The following CTNNBIP1 variants were observed in gnomAD, a reference collection of about 807,000 sequenced individuals.
CTNNBIP1 encodes catenin beta interacting protein 1, also known as beta-catenin-interacting protein 1.
CTNNBIP1 carries 7 observed loss-of-function variants against 11.8 expected under a neutral mutation model. The ratio of observed to expected loss-of-function variants is 0.60; its 90% confidence interval spans 0.34 to 1.12. CTNNBIP1 has a LOEUF of 1.12. Ranked by LOEUF, CTNNBIP1 falls within the 50% of genes most tolerant of loss-of-function variation. The pLI is 0.03. For synonymous variants in CTNNBIP1, 58 were observed against 43.9 expected, an observed-to-expected ratio of 1.32 and a Z score of -1.26; for missense variants, 101 against 113.4, an observed-to-expected ratio of 0.89 and a Z score of 0.50.
At chr1:9,884,482 C>G (rs1251857063) in intron 1 of CTNNBIP1, among the ~76,000 whole-genome samples, 1 of 152,024 alleles carries the variant, frequency 6.6e-6, no homozygotes, top group Non-Finnish European at 1.5e-5. Flanking sequence ...CCAGAGCCAC[C>G]CGGACCCACA....
At chr1:9,904,498 C>A (rs1238338179) in intron 1 of CTNNBIP1, among the ~76,000 whole-genome samples, 1 of 152,060 alleles carries the variant, frequency 6.6e-6, no homozygotes, top group Admixed American at 6.6e-5. Flanking sequence ...ACAACCAATG[C>A]TTTCTAGATA....
chr1:9,859,781 T>C (rs1638584308), intron 5 of CTNNBIP1, among the ~76,000 whole-genome samples: 1 of 152,090 alleles, frequency 6.6e-6, no homozygotes, highest in African/African-American at 2.4e-5. Flanking sequence ...GCTGGGGAAA[T>C]CCTGGCGGAG....
intron 5 of CTNNBIP1, among the ~76,000 whole-genome samples, chr1:9,862,940 C>T (rs1638663499): frequency 6.6e-6 from 1 of 152,232 alleles, no homozygotes; most frequent in African/African-American, 2.4e-5. Context: ...ACAGGGCCTG[C>T]CTCTTACCAG....
rs562129487 is a variant in CTNNBIP1 at position 9,850,584 on chromosome 1, G to T, written c.*134C>A. 1.4e-6 allele frequency: 1 copy of T among 734,174 alleles called. No homozygotes were observed. Among genetic ancestry groups the T allele is most frequent in the East Asian group, 2.6e-5 (1 of 39,016 alleles). The allele number at this position is 734,174 out of a possible 1,614,324, so 45.5% of individuals were successfully genotyped here. ...AGCCCCACTGAGTAGCTGTGAGGTGGGGTGGGGCAGGGCAGGGTTGGGTAG... is the reference window on the plus strand; with the variant it reads ...AGCCCCACTGAGTAGCTGTGAGGTGTGGTGGGGCAGGGCAGGGTTGGGTAG... On this transcript the variant is annotated 3_prime_UTR_variant, in exon 6 of 6. Coordinates refer to ENST00000377263, the MANE Select transcript of CTNNBIP1 (RefSeq NM_020248.3).
chr1:9,873,225 A>G (rs1015006943), intron 3 of CTNNBIP1, among the ~76,000 whole-genome samples: 2 of 152,156 alleles, frequency 1.3e-5, no homozygotes, highest in African/African-American at 4.8e-5. Context: ...TGCATGCTGG[A>G]TGCGGCATAG....
chr1:9,895,480 G>A (rs917122459), intron 1 of CTNNBIP1, among the ~76,000 whole-genome samples: 2 of 151,922 alleles, frequency 1.3e-5, no homozygotes, highest in Non-Finnish European at 2.9e-5. Flanking sequence ...TTACAGGCGT[G>A]AGCCACCATG....
At chr1:9,879,723 C>A (rs1382983840) in intron 2 of CTNNBIP1, among the ~76,000 whole-genome samples, 1 of 152,166 alleles carries the variant, frequency 6.6e-6, no homozygotes. Flanking sequence ...AAAAGAGAGC[C>A]TTCCTCTACT....
At chr1:9,894,719 C>T (rs541829459) in intron 1 of CTNNBIP1, among the ~76,000 whole-genome samples, 3 of 151,192 alleles carry the variant, frequency 2.0e-5, no homozygotes, top group Non-Finnish European at 4.4e-5. Flanking sequence ...GTAGAAATGG[C>T]GTTTCACCAT....
intron 1 of CTNNBIP1, among the ~76,000 whole-genome samples, chr1:9,901,129 G>C (rs895106871): frequency 1.3e-5 from 2 of 152,220 alleles, no homozygotes; most frequent in Non-Finnish European, 2.9e-5. Context: ...TAAAATTACA[G>C]AGAAGCATTA....
Position 9,851,307 on chromosome 1 carries a change from G to A in CTNNBIP1, c.188-531C>T, listed in dbSNP as rs1281873387. ...CGGGCCCACGTCCAGCCTGCTGTCCGCCTGGCTCTGACTGAGACAGATATG... is the reference window on the plus strand; with the variant it reads ...CGGGCCCACGTCCAGCCTGCTGTCCACCTGGCTCTGACTGAGACAGATATG... On this transcript the variant is annotated intron_variant, in intron 5 of 5. Transcript: ENST00000377263. The surrounding 1 kb of genome is among the most constrained non-coding windows in gnomAD (Gnocchi z 4.8). Among the ~76,000 whole-genome samples the A allele has an allele frequency of 3.3e-5, 5 of 152,164 alleles. No individual in the cohort carries two copies. Among genetic ancestry groups the A allele is most frequent in the East Asian group, 1.9e-4 (1 of 5,194 alleles).
chr1:9,907,414 G>A (rs1315256895), intron 1 of CTNNBIP1, among the ~76,000 whole-genome samples: 3 of 152,134 alleles, frequency 2.0e-5, no homozygotes, highest in East Asian at 1.9e-4. Flanking sequence ...CAGGTGATCC[G>A]CCCGCCTTGG....
chr1:9,850,876 C>G lies in CTNNBIP1; in HGVS notation c.188-100G>C, dbSNP rs1472528646. On this transcript the variant is annotated intron_variant, in intron 5 of 5. Transcript: ENST00000377263. Reference sequence around the variant, plus strand: ...CGGCCAAGCTGGAGCCCCCGCCCACCAGGATCGCGGCACTCTCTGAGGACA... The same window carrying G: ...CGGCCAAGCTGGAGCCCCCGCCCACGAGGATCGCGGCACTCTCTGAGGACA... 7.2e-6 allele frequency: 8 copies of G among 1,104,204 alleles called. No individual in the cohort carries two copies. In the East Asian group the frequency reaches 1.9e-4, roughly 26 times the overall value. 68.4% of individuals were successfully genotyped at this position (1,104,204 alleles called of 1,614,324 possible). A position where few individuals can be genotyped will look rare whatever the true frequency, so the allele number is the denominator to read the frequency against.
At chr1:9,855,181 CACA>C (rs1382875157) in intron 5 of CTNNBIP1, among the ~76,000 whole-genome samples, 2 of 150,910 alleles carry the variant, frequency 1.3e-5, no homozygotes, top group East Asian at 3.9e-4. Context: ...TTGAATAGTA[CACA>C]ACATTACTGA....
At chr1:9,900,935 C>T (rs775853998) in intron 1 of CTNNBIP1, among the ~76,000 whole-genome samples, 36 of 152,192 alleles carry the variant, frequency 2.4e-4, no homozygotes, top group Non-Finnish European at 1.5e-4. Flanking sequence ...CGCTCAGGAA[C>T]AGGCTCATAG....
At chr1:9,874,980 C>G (rs576440109) in intron 3 of CTNNBIP1, among the ~76,000 whole-genome samples, 9 of 152,304 alleles carry the variant, frequency 5.9e-5, no homozygotes, top group African/African-American at 2.2e-4. Flanking sequence ...TGTCCTGTGC[C>G]TAAGGGCTAG....
chr1:9,890,710 T>C (rs1159650789), intron 1 of CTNNBIP1, among the ~76,000 whole-genome samples: 1 of 152,182 alleles, frequency 6.6e-6, no homozygotes, highest in African/African-American at 2.4e-5. Context: ...CTCCCAGGCC[T>C]GACCGACCTT....
chr1:9,876,446 G>A (rs896246949), intron 3 of CTNNBIP1, among the ~76,000 whole-genome samples: 5 of 152,070 alleles, frequency 3.3e-5, no homozygotes, highest in Admixed American at 3.3e-4. Flanking sequence ...GTGAAACCCA[G>A]TCTCTATAAA....
chr1:9,861,064 C>G (rs932373770), intron 5 of CTNNBIP1, among the ~76,000 whole-genome samples: 1 of 152,242 alleles, frequency 6.6e-6, no homozygotes, highest in Non-Finnish European at 1.5e-5. Flanking sequence ...AGAGGGAATG[C>G]GACCACATGC....
chr1:9,874,953 T>TA (rs1288675295), intron 3 of CTNNBIP1, among the ~76,000 whole-genome samples: 1 of 151,984 alleles, frequency 6.6e-6, no homozygotes, highest in Non-Finnish European at 1.5e-5. Context: ...CTTCCAAGAG[T>TA]AAAAACCTTC....
Sources: allele counts gnomAD v4.1 joint callset (sites outside exome capture counted in the v4.1 genomes callset), GRCh38; gene constraint gnomAD v4.1.1; non-coding constraint Gnocchi (gnomAD v3.1); transcripts MANE v1.5; gene names NCBI Gene and HGNC (gene_info 2026-07-23, HGNC 2026-07-21).